SETBP1: variants seen among roughly 807,000 people sequenced by gnomAD.
SETBP1 encodes SET-binding protein.
SETBP1 carries 9 observed loss-of-function variants against 101.0 expected under a neutral mutation model. That is an observed-to-expected ratio of 0.09 (90% CI 0.05 to 0.16). The LOEUF (loss-of-function observed/expected upper bound fraction) is 0.16, where lower values mean the gene tolerates loss of function less well. Among genes scored for constraint, SETBP1 ranks in the 10% least tolerant of loss-of-function variants. The probability of loss-of-function intolerance (pLI) is 1.00; values close to 1 mark genes in which losing one functional copy is unlikely to be tolerated. For missense variants in SETBP1, 1,858 were observed against 2,033.8 expected, an observed-to-expected ratio of 0.91 and a Z score of 1.66; for synonymous variants, 818 against 788.5, an observed-to-expected ratio of 1.04 and a Z score of -0.63.
intron 2 of SETBP1, among the ~76,000 whole-genome samples, chr18:44,772,300 G>T (rs182520199): frequency 6.6e-6 from 1 of 152,274 alleles, no homozygotes; most frequent in South Asian, 2.1e-4. Context: ...TTTCACATGT[G>T]GGGAGTGTGT....
intron 2 of SETBP1, among the ~76,000 whole-genome samples, chr18:44,738,237 G>C (rs1333715055): frequency 6.6e-6 from 1 of 152,158 alleles, no homozygotes; most frequent in African/African-American, 2.4e-5. Flanking sequence ...AATTGCCATT[G>C]TTTGAAGAAC....
intron 5 of SETBP1, among the ~76,000 whole-genome samples, chr18:45,042,658 A>G (rs2073532249): frequency 6.6e-6 from 1 of 152,208 alleles, no homozygotes; most frequent in South Asian, 2.1e-4. Context: ...GCTTGTATGC[A>G]TATATGCATG....
intron 3 of SETBP1, among the ~76,000 whole-genome samples, chr18:44,897,319 G>A (rs1320721305): frequency 6.6e-6 from 1 of 152,082 alleles, no homozygotes; most frequent in Non-Finnish European, 1.5e-5. Context: ...AAACAATCTG[G>A]ACCTTCTGTA....
intron 4 of SETBP1, among the ~76,000 whole-genome samples, chr18:45,018,921 G>A (rs1314036085): frequency 6.6e-6 from 1 of 152,214 alleles, no homozygotes; most frequent in Non-Finnish European, 1.5e-5. Context: ...GAATGAGCAG[G>A]AAGGAACCTA....
In SETBP1 at chr18:45,034,762, C is replaced by T. The variant is rs1029111493; in HGVS notation, c.4001-3723C>T. Among the ~76,000 whole-genome samples, 2 of 152,122 alleles carry T rather than the reference C, an allele frequency of 1.3e-5. 1 individual carries two copies. Among genetic ancestry groups the T allele is most frequent in the Non-Finnish European group, 2.9e-5 (2 of 68,026 alleles). ...TTGGGGTTTAGGGATGCTCTGAACA[C>T]GCCTACCAAGGGTGCTATCCATACA... On this transcript the variant is annotated intron_variant, in intron 4 of 5. Coordinates refer to ENST00000649279, the MANE Select transcript of SETBP1 (RefSeq NM_015559.3).
At chr18:45,062,175 C>G (rs923583547) in intron 5 of SETBP1, among the ~76,000 whole-genome samples, 5 of 152,232 alleles carry the variant, frequency 3.3e-5, no homozygotes, top group Non-Finnish European at 7.3e-5. Context: ...CTAAGCAGTT[C>G]TGAAGGCCAT....
chr18:44,893,505 A>G (rs2069820085), intron 3 of SETBP1, among the ~76,000 whole-genome samples: 1 of 152,158 alleles, frequency 6.6e-6, no homozygotes, highest in Admixed American at 6.5e-5. Context: ...TGGTGCACAT[A>G]GTTAGTAGTC....
chr18:44,984,911 C>G (rs565388799), intron 4 of SETBP1, among the ~76,000 whole-genome samples: 2 of 152,244 alleles, frequency 1.3e-5, no homozygotes, highest in Non-Finnish European at 1.5e-5. Context: ...GAGGCCAAGG[C>G]GGGCAGATCA....
intron 2 of SETBP1, among the ~76,000 whole-genome samples, chr18:44,776,445 G>A (rs940731505): frequency 1.3e-5 from 2 of 152,126 alleles, no homozygotes; most frequent in African/African-American, 2.4e-5. Context: ...TAGTGACACC[G>A]TGAGGTGGAA....
intron 2 of SETBP1, among the ~76,000 whole-genome samples, chr18:44,844,884 G>A (rs761963171): frequency 5.9e-5 from 9 of 152,148 alleles, no homozygotes; most frequent in East Asian, 1.9e-4. Context: ...GCATCAGGCC[G>A]GTAGACAAGA....
intron 2 of SETBP1, among the ~76,000 whole-genome samples, chr18:44,841,547 G>A (rs2072618464): frequency 6.6e-6 from 1 of 152,156 alleles, no homozygotes; most frequent in Non-Finnish European, 1.5e-5. Context: ...AACCATCCAT[G>A]GCCAAACTCA....
At chr18:45,033,293 A>G (rs2073333902) in intron 4 of SETBP1, among the ~76,000 whole-genome samples, 1 of 152,222 alleles carries the variant, frequency 6.6e-6, no homozygotes, top group African/African-American at 2.4e-5. Context: ...GTCAAGAAAC[A>G]TGGATTTCAG....
At chr18:44,967,453 G>GT (rs1361043627) in intron 4 of SETBP1, among the ~76,000 whole-genome samples, 1 of 152,204 alleles carries the variant, frequency 6.6e-6, no homozygotes, top group Non-Finnish European at 1.5e-5. Flanking sequence ...TATCATTGTT[G>GT]TAACAAACCA....
chr18:45,011,134 A>T (rs1202778542), intron 4 of SETBP1, among the ~76,000 whole-genome samples: 2 of 152,234 alleles, frequency 1.3e-5, no homozygotes, highest in South Asian at 4.1e-4. Context: ...ACGTGAAAAC[A>T]TAAATCACAA....
chr18:44,789,238 A>G (rs531028584), intron 2 of SETBP1, among the ~76,000 whole-genome samples: 1 of 152,342 alleles, frequency 6.6e-6, no homozygotes, highest in East Asian at 1.9e-4. Context: ...ATCCTTTACC[A>G]AAATAGCTTT....
chr18:44,797,293 G>A (rs1412750187), intron 2 of SETBP1, among the ~76,000 whole-genome samples: 1 of 152,156 alleles, frequency 6.6e-6, no homozygotes, highest in African/African-American at 2.4e-5. Context: ...AGCACTTTCT[G>A]TGTAAGTTAT....
intron 2 of SETBP1, among the ~76,000 whole-genome samples, chr18:44,842,684 G>C (rs1435939349): frequency 1.3e-5 from 2 of 152,226 alleles, no homozygotes; most frequent in East Asian, 1.9e-4. Flanking sequence ...TGGATTGTTA[G>C]GGTTAGACCC....
chr18:44,921,774 G>A lies in SETBP1; in HGVS notation c.541-28107G>A, dbSNP rs149110393. Among the ~76,000 whole-genome samples, 451 of 152,242 alleles carry A rather than the reference G, an allele frequency of 3.0e-3. 5 individuals are homozygous for A. Among genetic ancestry groups the A allele is most frequent in the African/African-American group, 0.01 (432 of 41,542 alleles). The stretch of plus-strand genomic sequence containing the variant: ...GATATACAGAATGAGTATCGTGGGG[G>A]CCCAGGGGACGGAGGGATAAATGTC... On this transcript the variant is annotated intron_variant, in intron 3 of 5. Transcript: ENST00000649279.
At chr18:44,786,154 G>T (rs1025742867) in intron 2 of SETBP1, among the ~76,000 whole-genome samples, 1 of 152,088 alleles carries the variant, frequency 6.6e-6, no homozygotes, top group African/African-American at 2.4e-5. Context: ...TCAACTTCCT[G>T]TCTATGACAG....
Sources: allele counts gnomAD v4.1 joint callset (sites outside exome capture counted in the v4.1 genomes callset), GRCh38; gene constraint gnomAD v4.1.1; transcripts MANE v1.5; gene names NCBI Gene and HGNC (gene_info 2026-07-23, HGNC 2026-07-21).